Variants in ADGRL3 observed in about 807,000 individuals in gnomAD.
ADGRL3 encodes adhesion G protein-coupled receptor L3.
In ADGRL3, 62 loss-of-function variants were observed where a neutral mutation model predicts 153.5. That is an observed-to-expected ratio of 0.40 (90% CI 0.33 to 0.50). ADGRL3 has a LOEUF of 0.50. Among genes scored for constraint, ADGRL3 ranks in the 20% least tolerant of loss-of-function variants. ADGRL3 has a pLI of 0.47. For missense variants in ADGRL3, 1,641 were observed against 1,859.4 expected, an observed-to-expected ratio of 0.88 and a Z score of 2.16; for synonymous variants, 710 against 672.5, an observed-to-expected ratio of 1.06 and a Z score of -0.86.
intron 8 of ADGRL3, among the ~76,000 whole-genome samples, chr4:61,752,127 G>A (rs1344652263): frequency 1.3e-5 from 2 of 151,988 alleles, no homozygotes; most frequent in Admixed American, 6.6e-5. Flanking sequence ...TACTTACCTC[G>A]GGAAGAAAAG....
intron 3 of ADGRL3, among the ~76,000 whole-genome samples, chr4:61,510,060 G>A (rs1419849688): frequency 2.6e-5 from 4 of 152,180 alleles, no homozygotes; most frequent in Non-Finnish European, 4.4e-5. Flanking sequence ...CCGCTTGTAT[G>A]TCTTCTTTTG....
intron 21 of ADGRL3, among the ~76,000 whole-genome samples, chr4:62,005,534 T>C (rs1342725654): frequency 6.6e-6 from 1 of 152,152 alleles, no homozygotes; most frequent in Non-Finnish European, 1.5e-5. Flanking sequence ...TAAAAACCTA[T>C]CTAAGGGGAA....
intron 6 of ADGRL3, among the ~76,000 whole-genome samples, chr4:61,721,789 A>G (rs930399998): frequency 2.0e-5 from 3 of 152,196 alleles, no homozygotes; most frequent in African/African-American, 7.2e-5. Context: ...TGACAAACAC[A>G]AAGCAGATTA....
At chr4:61,569,092 G>A (rs374700214) in intron 4 of ADGRL3, among the ~76,000 whole-genome samples, 1 of 151,948 alleles carries the variant, frequency 6.6e-6, no homozygotes, top group Non-Finnish European at 1.5e-5. Flanking sequence ...GAGTGGGGCC[G>A]GAGATTTGTA....
chr4:62,015,396 A>T (rs2099206885), intron 21 of ADGRL3, among the ~76,000 whole-genome samples: 2 of 152,330 alleles, frequency 1.3e-5, no homozygotes, highest in Non-Finnish European at 2.9e-5. Flanking sequence ...CTAAGGCTAT[A>T]ATTTAAAACT....
At chr4:61,343,556 C>G (rs1050160878) in intron 1 of ADGRL3, among the ~76,000 whole-genome samples, 3 of 152,126 alleles carry the variant, frequency 2.0e-5, no homozygotes, top group Admixed American at 1.3e-4. Flanking sequence ...TGGCAAGTCA[C>G]TTCTTTAATC....
chr4:61,329,648 G>A (rs1370576794), intron 1 of ADGRL3, among the ~76,000 whole-genome samples: 1 of 152,054 alleles, frequency 6.6e-6, no homozygotes, highest in Admixed American at 6.6e-5. Flanking sequence ...TTGATGTTCA[G>A]TAAACTGTTT....
intron 5 of ADGRL3, among the ~76,000 whole-genome samples, chr4:61,615,465 G>T (rs557059242): frequency 3.1e-4 from 47 of 152,220 alleles, no homozygotes; most frequent in African/African-American, 1.1e-3. Context: ...CAAAAAAGGG[G>T]TGATATTCAA....
At chr4:61,835,538 A>C (rs1177466038) in intron 9 of ADGRL3, among the ~76,000 whole-genome samples, 1 of 152,182 alleles carries the variant, frequency 6.6e-6, no homozygotes, top group Non-Finnish European at 1.5e-5. Context: ...AATCCTTTTA[A>C]ACTTTTATTA....
At chr4:61,831,411 T>TAAAAAAAAAAAAAAAAAAAAAAAA in intron 9 of ADGRL3, among the ~76,000 whole-genome samples, 1 of 37,274 alleles carries the variant, frequency 2.7e-5, no homozygotes, top group Non-Finnish European at 4.7e-5. Context: ...AGATGCTAAG[T>TAAAAAAAAAAAAAAAAAAAAAAAA]AAAAAAAAAA....
intron 5 of ADGRL3, among the ~76,000 whole-genome samples, chr4:61,604,964 G>A (rs535940724): frequency 2.2e-4 from 33 of 151,342 alleles, no homozygotes; most frequent in East Asian, 7.8e-4. Context: ...GTGGCACACC[G>A]CTGTAATCCC....
chr4:61,482,040 A>T (rs7667598), intron 2 of ADGRL3, among the ~76,000 whole-genome samples: 1,598 of 152,306 alleles, frequency 0.01, 31 homozygotes, highest in African/African-American at 0.035. Flanking sequence ...GAAGAAAATA[A>T]TTTGGAGGTT....
At chr4:61,675,041 C>T (rs2095140130) in intron 5 of ADGRL3, among the ~76,000 whole-genome samples, 1 of 151,926 alleles carries the variant, frequency 6.6e-6, no homozygotes. Context: ...GGAGTATTAG[C>T]TTTTATTCAC....
chr4:61,575,769 G>A (rs190750038), intron 4 of ADGRL3, among the ~76,000 whole-genome samples: 22 of 152,086 alleles, frequency 1.4e-4, no homozygotes, highest in Non-Finnish European at 2.1e-4. Flanking sequence ...TTCACAACTT[G>A]TGTTTAATTA....
At chr4:61,954,621 TC>T (rs1276022492) in intron 17 of ADGRL3, among the ~76,000 whole-genome samples, 5 of 152,058 alleles carry the variant, frequency 3.3e-5, no homozygotes, top group Middle Eastern at 3.4e-3. Context: ...CTACCACTGT[TC>T]CCCTTGCTCA....
chr4:61,856,962 TTC>T (rs1245246235), intron 9 of ADGRL3, among the ~76,000 whole-genome samples: 1 of 89,546 alleles, frequency 1.1e-5, no homozygotes, highest in East Asian at 3.4e-4. Context: ...CTTTCTTTCT[TTC>T]TTTCTTTCTT....
chr4:61,490,409 A>G (rs771941187), intron 2 of ADGRL3, among the ~76,000 whole-genome samples: 1 of 151,976 alleles, frequency 6.6e-6, no homozygotes, highest in Non-Finnish European at 1.5e-5. Context: ...TTAATGCAGG[A>G]ATTATGCCTT....
intron 3 of ADGRL3, among the ~76,000 whole-genome samples, chr4:61,516,839 C>T (rs569421271): frequency 1.3e-5 from 2 of 151,994 alleles, no homozygotes; most frequent in Non-Finnish European, 2.9e-5. Flanking sequence ...AATAAACAAA[C>T]AAAAGACACC....
At chr4:61,588,472 C>T (rs2098955839) in intron 5 of ADGRL3, among the ~76,000 whole-genome samples, 2 of 151,714 alleles carry the variant, frequency 1.3e-5, no homozygotes, top group Admixed American at 6.6e-5. Context: ...ATTACTATTA[C>T]ATAAATTATA....
Sources: allele counts gnomAD v4.1 joint callset (sites outside exome capture counted in the v4.1 genomes callset), GRCh38; gene constraint gnomAD v4.1.1; transcripts MANE v1.5; gene names NCBI Gene and HGNC (gene_info 2026-07-23, HGNC 2026-07-21).